The following HTR2C variants were observed in gnomAD, a reference collection of about 807,000 sequenced individuals.
HTR2C encodes the protein 5-hydroxytryptamine (serotonin) receptor 2C, G protein-coupled.
A neutral mutation model predicts 21.0 loss-of-function variants in HTR2C; 5 were observed. The observed-to-expected ratio is 0.24, with a 90% confidence interval of 0.12 to 0.50. HTR2C has a LOEUF of 0.50. HTR2C is among the 20% of genes least tolerant of loss of function. The pLI is 0.98. For missense variants in HTR2C, 271 were observed against 371.2 expected (o/e 0.73, Z 2.22); for synonymous variants, 150 against 145.3 (o/e 1.03, Z -0.23).
intron 2 of HTR2C, among the ~76,000 whole-genome samples, chrX:114,724,632 A>T (rs1390845353): frequency 1.0e-5 from 1 of 99,200 alleles, no homozygotes; most frequent in Non-Finnish European, 2.0e-5. Flanking sequence ...ACAATTTGGC[A>T]TGATTTTGCA....
chrX:114,601,973 C>A (rs1928123723), intron 1 of HTR2C, among the ~76,000 whole-genome samples: 1 of 99,522 alleles, frequency 1.0e-5, no homozygotes, highest in Admixed American at 1.1e-4. Flanking sequence ...TTGGTGATGG[C>A]CTGGATATGG....
At chrX:114,820,277 T>C in intron 4 of HTR2C, among the ~76,000 whole-genome samples, 1 of 109,884 alleles carries the variant, frequency 9.1e-6, no homozygotes. Flanking sequence ...AATGTTTTGA[T>C]ACAGGAATGG....
intron 5 of HTR2C, among the ~76,000 whole-genome samples, chrX:114,849,454 A>C (rs924011877): frequency 1.8e-5 from 2 of 112,274 alleles, no homozygotes; most frequent in Admixed American, 1.9e-4. Context: ...AAAGACAAAA[A>C]CCCAAGAAAA....
chrX:114,719,809 T>A (rs1281826386), intron 2 of HTR2C, among the ~76,000 whole-genome samples: 2 of 111,446 alleles, frequency 1.8e-5, no homozygotes, highest in African/African-American at 6.5e-5. Context: ...AATATAATAT[T>A]TTGAGTAACA....
chrX:114,826,535 C>T (rs782769303), intron 4 of HTR2C, among the ~76,000 whole-genome samples: 1 of 111,938 alleles, frequency 8.9e-6, no homozygotes, highest in South Asian at 3.7e-4. Context: ...ATGAATTTCA[C>T]GTGTAGACTT....
chrX:114,708,986 A>G (rs374987859), intron 2 of HTR2C, among the ~76,000 whole-genome samples: 73 of 111,966 alleles, frequency 6.5e-4, no homozygotes, highest in African/African-American at 2.2e-3. Context: ...TTAAACAGTG[A>G]TAGCAATATC....
chrX:114,598,504 T>C (rs782067277), intron 1 of HTR2C, among the ~76,000 whole-genome samples: 23 of 111,527 alleles, frequency 2.1e-4, no homozygotes, highest in Non-Finnish European at 9.4e-5. Flanking sequence ...ATGATGCCAA[T>C]AGAAATATGT....
At chrX:114,821,544 G>A (rs1019570330) in intron 4 of HTR2C, among the ~76,000 whole-genome samples, 2 of 111,019 alleles carry the variant, frequency 1.8e-5, no homozygotes, top group East Asian at 2.8e-4. Flanking sequence ...CAAATTCCAT[G>A]GTAAATTAGT....
At chrX:114,839,834 A>G (rs1198926706) in intron 4 of HTR2C, among the ~76,000 whole-genome samples, 4 of 111,389 alleles carry the variant, frequency 3.6e-5, no homozygotes, top group African/African-American at 9.8e-5. Context: ...CTTCTCTGGG[A>G]AACTATAAAC....
chrX:114,600,550 G>A (rs1317579657), intron 1 of HTR2C, among the ~76,000 whole-genome samples: 2 of 110,235 alleles, frequency 1.8e-5, no homozygotes, highest in African/African-American at 6.6e-5. Context: ...ATAATAATTG[G>A]TAATGAAATA....
intron 2 of HTR2C, among the ~76,000 whole-genome samples, chrX:114,721,678 T>G (rs1349469019): frequency 7.3e-4 from 80 of 109,656 alleles, no homozygotes; most frequent in African/African-American, 2.6e-3. Flanking sequence ...TTAATCCATC[T>G]TGAATTGATT....
chrX:114,847,210 G>A (rs1450249872), intron 4 of HTR2C, among the ~76,000 whole-genome samples: 18 of 109,479 alleles, frequency 1.6e-4, no homozygotes, highest in Non-Finnish European at 5.7e-5. Context: ...TCCATAGACT[G>A]GATTAAGAAA....
At chrX:114,823,072 C>T (rs1191370231) in intron 4 of HTR2C, among the ~76,000 whole-genome samples, 1 of 111,358 alleles carries the variant, frequency 9.0e-6, no homozygotes, top group Non-Finnish European at 1.9e-5. Context: ...TAGAATTCCT[C>T]TACTGTCATG....
chrX:114,639,215 CAA>C (rs1929990632), intron 2 of HTR2C, among the ~76,000 whole-genome samples: 1 of 111,873 alleles, frequency 8.9e-6, no homozygotes, highest in Admixed American at 9.5e-5. Context: ...TGTGACAAAA[CAA>C]TGTGAAATAA....
intron 5 of HTR2C, among the ~76,000 whole-genome samples, chrX:114,884,131 A>G (rs1015836126): frequency 9.0e-6 from 1 of 111,065 alleles, no homozygotes; most frequent in South Asian, 3.7e-4. Flanking sequence ...GCTGAGTAAT[A>G]TTTCATTGTG....
intron 4 of HTR2C, chrX:114,775,177 C>T: frequency 1.9e-6 from 1 of 522,026 alleles, no homozygotes; most frequent in Non-Finnish European, 3.5e-6. Context: ...GTCCCTCTGC[C>T]TCTTATCTTC....
At chrX:114,867,925 G>A (rs2071059087) in intron 5 of HTR2C, among the ~76,000 whole-genome samples, 1 of 111,488 alleles carries the variant, frequency 9.0e-6, no homozygotes, top group African/African-American at 3.3e-5. Flanking sequence ...AGTATAATTT[G>A]AAGTCAGACA....
At chrX:114,647,894 A>G (rs1930419436) in intron 2 of HTR2C, among the ~76,000 whole-genome samples, 1 of 111,966 alleles carries the variant, frequency 8.9e-6, no homozygotes, top group African/African-American at 3.2e-5. Context: ...GTATTTTGCT[A>G]TTGCTATTAT....
chrX:114,704,452 C>A (rs782680977), intron 2 of HTR2C, among the ~76,000 whole-genome samples: 3 of 111,666 alleles, frequency 2.7e-5, no homozygotes, highest in East Asian at 2.8e-4. Context: ...GAACCAAAGT[C>A]AAAAACCACA....
Sources: allele counts gnomAD v4.1 joint callset (sites outside exome capture counted in the v4.1 genomes callset), GRCh38; gene constraint gnomAD v4.1.1; transcripts MANE v1.5; gene names NCBI Gene and HGNC (gene_info 2026-07-23, HGNC 2026-07-21).